The following ADGRB3 variants were observed in gnomAD, a reference collection of about 807,000 sequenced individuals.
ADGRB3 encodes the protein adhesion G protein-coupled receptor B3.
A neutral mutation model predicts 193.4 loss-of-function variants in ADGRB3; 37 were observed. The observed-to-expected ratio is 0.19, with a 90% CI of 0.15 to 0.25. ADGRB3 has a LOEUF of 0.25. Ranked by LOEUF, ADGRB3 falls within the 10% of genes least tolerant of loss-of-function variation. The pLI is 1.00. For synonymous variants in ADGRB3, 690 were observed against 644.2 expected, an observed-to-expected ratio of 1.07 and a Z score of -1.08; for missense variants, 1,637 against 1,852.9, an observed-to-expected ratio of 0.88 and a Z score of 2.14.
At chr6:68,967,830 G>A (rs1053796342) in intron 8 of ADGRB3, among the ~76,000 whole-genome samples, 1 of 152,088 alleles carries the variant, frequency 6.6e-6, no homozygotes, top group Non-Finnish European at 1.5e-5. Context: ...AGTGGGGTCT[G>A]AGAATGTGAG....
At chr6:68,793,551 A>G (rs938291839) in intron 3 of ADGRB3, among the ~76,000 whole-genome samples, 5 of 152,088 alleles carry the variant, frequency 3.3e-5, no homozygotes, top group African/African-American at 1.2e-4. Flanking sequence ...ATTTTTTAAG[A>G]CGAGTCTCAC....
In ADGRB3 at chr6:68,752,275, CTT is replaced by C. The variant is rs66760335; in HGVS notation, c.757+112860_757+112861del. Among the ~76,000 whole-genome samples, 458 of 129,234 alleles carry C rather than the reference CTT, an allele frequency of 3.5e-3. 2 individuals carry two copies. The highest frequency in any genetic ancestry group is 0.012 in the African/African-American group (428 of 35,270). 84.8% of individuals were successfully genotyped at this position (129,234 alleles called of 152,430 possible). A position where few individuals can be genotyped will look rare whatever the true frequency, so the allele number is the denominator to read the frequency against. On this transcript the variant is annotated intron_variant, in intron 3 of 31. Coordinates refer to ENST00000370598, the MANE Select transcript of ADGRB3 (RefSeq NM_001704.3). ...TGGATTTCAGTTGTGGCAGAATATT[CTT>C]TTTTTTTTTTTTTTTTGAGACAGAA...
At chr6:68,835,614 C>A (rs528608533) in intron 3 of ADGRB3, among the ~76,000 whole-genome samples, 5 of 151,930 alleles carry the variant, frequency 3.3e-5, no homozygotes, top group African/African-American at 4.8e-5. Flanking sequence ...AATTTCATCT[C>A]TTGTGTTTTC....
chr6:69,147,009 A>T (rs530090502), intron 17 of ADGRB3, among the ~76,000 whole-genome samples: 1 of 151,498 alleles, frequency 6.6e-6, no homozygotes, highest in Admixed American at 6.6e-5. Flanking sequence ...TGTCTCCTTT[A>T]TCATTTCTGA....
At chr6:69,123,858 A>G (rs1379595033) in intron 17 of ADGRB3, among the ~76,000 whole-genome samples, 3 of 152,210 alleles carry the variant, frequency 2.0e-5, no homozygotes, top group African/African-American at 7.2e-5. Flanking sequence ...AGTAAGATGA[A>G]AAACATACAG....
chr6:69,276,135 C>T (rs1392662446), intron 20 of ADGRB3, among the ~76,000 whole-genome samples: 1 of 152,192 alleles, frequency 6.6e-6, no homozygotes. Flanking sequence ...TAATGAATTA[C>T]TTTGGATTGC....
At chr6:69,004,562 C>G (rs528332197) in intron 11 of ADGRB3, among the ~76,000 whole-genome samples, 1 of 123,272 alleles carries the variant, frequency 8.1e-6, no homozygotes, top group Admixed American at 9.0e-5. Flanking sequence ...ATCCCTCCCC[C>G]CTCCCCCGAC....
intron 13 of ADGRB3, among the ~76,000 whole-genome samples, chr6:69,025,661 G>A (rs971245749): frequency 1.3e-5 from 2 of 151,558 alleles, no homozygotes; most frequent in African/African-American, 4.9e-5. Flanking sequence ...AAGCTAGTGG[G>A]TATTTTTCTG....
chr6:69,094,099 G>C (rs1390827929), intron 17 of ADGRB3, among the ~76,000 whole-genome samples: 3 of 152,166 alleles, frequency 2.0e-5, no homozygotes, highest in Non-Finnish European at 2.9e-5. Context: ...AAGGTGAAGA[G>C]AGGTGGACAG....
chr6:69,178,881 T>G (rs1173407950), intron 17 of ADGRB3, among the ~76,000 whole-genome samples: 1 of 152,202 alleles, frequency 6.6e-6, no homozygotes, highest in Non-Finnish European at 1.5e-5. Context: ...TTGAGATTTT[T>G]TCTTTATTGT....
chr6:69,366,428 A>G (rs933928088), intron 29 of ADGRB3, among the ~76,000 whole-genome samples: 3 of 152,130 alleles, frequency 2.0e-5, no homozygotes, highest in African/African-American at 7.2e-5. Context: ...CTTGCTGTGA[A>G]TCTTCTAGTA....
intron 3 of ADGRB3, among the ~76,000 whole-genome samples, chr6:68,857,177 G>A (rs1353657614): frequency 2.0e-5 from 3 of 152,238 alleles, no homozygotes; most frequent in African/African-American, 7.2e-5. Flanking sequence ...TGCTAGGGCA[G>A]TGTGGAAGGG....
At chr6:68,904,443 C>T (rs1474535221) in intron 3 of ADGRB3, among the ~76,000 whole-genome samples, 1 of 152,098 alleles carries the variant, frequency 6.6e-6, no homozygotes, top group East Asian at 1.9e-4. Flanking sequence ...ACACACTTTG[C>T]TACTTCTCTC....
chr6:69,218,110 T>G lies in ADGRB3; in HGVS notation c.2481-15180T>G, dbSNP rs542085638. ...AGAAGAAGTCAAAACCTTTCAAGCC[T>G]GCCTTACATTGCAAAAAAAGACAAA... is the stretch of plus-strand genomic sequence containing the variant. On this transcript the variant is annotated intron_variant, in intron 17 of 31. Coordinates refer to ENST00000370598, the MANE Select transcript of ADGRB3 (RefSeq NM_001704.3). Among the ~76,000 whole-genome samples, 4 of 150,266 alleles carry G rather than the reference T, an allele frequency of 2.7e-5. No homozygotes were observed. The South Asian group carries it at 8.4e-4, about 32-fold the overall frequency.
intron 3 of ADGRB3, among the ~76,000 whole-genome samples, chr6:68,914,567 C>A (rs1433165932): frequency 6.6e-6 from 1 of 152,168 alleles, no homozygotes; most frequent in East Asian, 1.9e-4. Flanking sequence ...AAGGAACAAC[C>A]AGTACCAGCC....
chr6:68,824,142 T>A (rs999123347), intron 3 of ADGRB3, among the ~76,000 whole-genome samples: 2 of 152,162 alleles, frequency 1.3e-5, no homozygotes, highest in African/African-American at 4.8e-5. Context: ...ATGTCCCAGG[T>A]GCATTGTATC....
At chr6:69,209,933 G>A (rs904825877) in intron 17 of ADGRB3, among the ~76,000 whole-genome samples, 2 of 151,534 alleles carry the variant, frequency 1.3e-5, no homozygotes, top group South Asian at 2.1e-4. Context: ...ATTAGAAGAA[G>A]AGTCCTTAGT....
chr6:68,779,780 A>C (rs1766819515), intron 3 of ADGRB3, among the ~76,000 whole-genome samples: 3 of 152,098 alleles, frequency 2.0e-5, no homozygotes, highest in Admixed American at 1.3e-4. Flanking sequence ...TGCTCCTGAC[A>C]ATGTTTTACA....
chr6:68,993,507 A>G (rs1027746728), intron 10 of ADGRB3, among the ~76,000 whole-genome samples: 4 of 152,134 alleles, frequency 2.6e-5, no homozygotes, highest in Non-Finnish European at 4.4e-5. Flanking sequence ...ATTTTCCCAA[A>G]TGTGTTGAAT....
Sources: allele counts gnomAD v4.1 joint callset (sites outside exome capture counted in the v4.1 genomes callset), GRCh38; gene constraint gnomAD v4.1.1; transcripts MANE v1.5; gene names NCBI Gene and HGNC (gene_info 2026-07-23, HGNC 2026-07-21).